Variants in GCSAML observed in about 807,000 individuals in gnomAD.
The protein encoded by GCSAML is germinal center-associated signaling and motility-like protein.
GCSAML carries 9 observed loss-of-function variants against 13.0 expected under a neutral mutation model. That is an observed-to-expected ratio of 0.69 (90% CI 0.42 to 1.21). GCSAML has a LOEUF of 1.21. Ranked by LOEUF, GCSAML falls within the 50% of genes most tolerant of loss-of-function variation. The probability of loss-of-function intolerance (pLI) is 0.00; values close to 1 mark genes in which losing one functional copy is unlikely to be tolerated. For synonymous variants in GCSAML, 37 were observed against 52.9 expected (o/e 0.70, Z 1.31); for missense variants, 143 against 153.4 (o/e 0.93, Z 0.36).
chr1:247,541,616 G>T (rs1340659478), intron 2 of GCSAML, among the ~76,000 whole-genome samples: 2 of 152,152 alleles, frequency 1.3e-5, no homozygotes, highest in East Asian at 3.8e-4. Context: ...TGAGATGTTG[G>T]CCTGAAACCC....
intron 1 of GCSAML, among the ~76,000 whole-genome samples, chr1:247,522,134 C>G (rs1331277468): frequency 6.6e-6 from 1 of 151,760 alleles, no homozygotes; most frequent in Non-Finnish European, 1.5e-5. Flanking sequence ...TGAGGAGCCC[C>G]TCCGCCTGGC....
At chr1:247,518,170 C>A (rs959304916) in intron 1 of GCSAML, among the ~76,000 whole-genome samples, 1 of 152,230 alleles carries the variant, frequency 6.6e-6, no homozygotes, top group Non-Finnish European at 1.5e-5. Context: ...GGCTCCTGGT[C>A]TGGCCTGGCC....
In GCSAML at chr1:247,576,453, T is replaced by A. The variant is rs1236589680; in HGVS notation, c.*2071T>A. 6.6e-6 allele frequency: 1 copy of A among 151,912 alleles called. No homozygotes were observed. The highest frequency in any genetic ancestry group is 1.5e-5 in the Non-Finnish European group (1 of 68,018). The allele number at this position is 151,912 out of a possible 1,614,324, so 9.4% of individuals were successfully genotyped here. ...CCAGGTACTCAGGAGGCTGAGGTAG[T>A]AGGATTGTTTGAGACTGGGAGGTTG... On this transcript the variant is annotated 3_prime_UTR_variant, in exon 5 of 5. Transcript: ENST00000366488.
chr1:247,574,457 C>A lies in GCSAML; in HGVS notation c.*75C>A. ...AGCAGACTCTGGCGAAGTTGTTCACCCTGAGCAGTGCATGAAACATTCCTT... is the reference window on the plus strand; with the variant it reads ...AGCAGACTCTGGCGAAGTTGTTCACACTGAGCAGTGCATGAAACATTCCTT... On this transcript the variant is annotated 3_prime_UTR_variant, in exon 5 of 5. Transcript: ENST00000366488. The A allele has an allele frequency of 6.6e-7, 1 of 1,506,360 alleles. No homozygotes were observed. 93.3% of individuals were successfully genotyped at this position (1,506,360 alleles called of 1,614,324 possible). A position where few individuals can be genotyped will look rare whatever the true frequency, so the allele number is the denominator to read the frequency against.
chr1:247,534,891 G>T (rs1388221191), intron 2 of GCSAML, among the ~76,000 whole-genome samples: 3 of 152,204 alleles, frequency 2.0e-5, no homozygotes, highest in Non-Finnish European at 1.5e-5. Flanking sequence ...ACACGTGGAA[G>T]CTGTCCCATT....
chr1:247,536,409 A>G (rs1667220600), intron 2 of GCSAML: 2 of 152,256 alleles, frequency 1.3e-5, no homozygotes, highest in Admixed American at 6.5e-5. Flanking sequence ...AAGTATTTAA[A>G]TCACAATGGG....
chr1:247,533,897 G>C (rs548566624), intron 2 of GCSAML: 5 of 152,282 alleles, frequency 3.3e-5, no homozygotes, highest in African/African-American at 1.2e-4. Context: ...GCAATCACAG[G>C]ATTACATTAA....
At chr1:247,563,006 A>ATTTT (rs35205676) in intron 2 of GCSAML, among the ~76,000 whole-genome samples, 2 of 134,648 alleles carry the variant, frequency 1.5e-5, no homozygotes, top group Non-Finnish European at 3.1e-5. Context: ...TACCCAGCTC[A>ATTTT]TTTTTTTTTT....
chr1:247,552,285 G>A (rs1283172459), intron 1 of GCSAML, among the ~76,000 whole-genome samples: 1 of 152,242 alleles, frequency 6.6e-6, no homozygotes, highest in Non-Finnish European at 1.5e-5. Context: ...GAAATTCAGT[G>A]AAAGTAAATG....
intron 4 of GCSAML, among the ~76,000 whole-genome samples, chr1:247,568,991 T>C (rs1668493433): frequency 9.9e-6 from 1 of 101,222 alleles, no homozygotes; most frequent in Non-Finnish European, 2.2e-5. Flanking sequence ...AGTCCACTCA[T>C]GATTTGGCTC....
At position 247,539,701 on chromosome 1, in the gene GCSAML, C is replaced by T. The variant is rs193093632; in HGVS notation, c.-147-9344C>T. 7.2e-5 allele frequency among the ~76,000 whole-genome samples: 11 copies of T among 152,170 alleles called. No individual in the cohort carries two copies. In the East Asian group the frequency reaches 1.9e-3, roughly 27 times the overall value. On this transcript the variant is annotated intron_variant, in intron 2 of 5. Coordinates refer to the GCSAML transcript ENST00000366489. ...CCTCTCATTTCCACGACCTCTGTTC[C>T]TCACATATAATCTGTCAGCAAATCC... is the stretch of plus-strand genomic sequence containing the variant.
At chr1:247,524,536 C>T (rs1666580823) in intron 1 of GCSAML, 1 of 152,230 alleles carries the variant, frequency 6.6e-6, no homozygotes, top group Admixed American at 6.5e-5. Context: ...TCTTCCCGAA[C>T]TTTTGCATCC....
upstream of GCSAML, among the ~76,000 whole-genome samples, chr1:247,546,279 C>A (rs938588526): frequency 6.6e-6 from 1 of 152,164 alleles, no homozygotes; most frequent in African/African-American, 2.4e-5. Context: ...CTCAAGCAAT[C>A]CTCCTGCTTC....
chr1:247,544,625 G>C (rs1667508138), upstream of GCSAML, among the ~76,000 whole-genome samples: 1 of 152,124 alleles, frequency 6.6e-6, no homozygotes, highest in Admixed American at 6.5e-5. Flanking sequence ...TTGAGCCCAG[G>C]AGTTCAAGAC....
At chr1:247,509,569 T>C (rs921495988) in intron 1 of GCSAML, among the ~76,000 whole-genome samples, 2 of 152,210 alleles carry the variant, frequency 1.3e-5, no homozygotes, top group African/African-American at 4.8e-5. Context: ...AGGGCATCCT[T>C]GTCTTGTGCT....
At chr1:247,573,054 A>G (rs1360806754) in intron 4 of GCSAML, among the ~76,000 whole-genome samples, 1 of 152,204 alleles carries the variant, frequency 6.6e-6, no homozygotes, top group Non-Finnish European at 1.5e-5. Context: ...TCGACTTCAG[A>G]CTGCTGTGCT....
chr1:247,553,496 A>G (rs897019638), intron 1 of GCSAML, among the ~76,000 whole-genome samples: 1 of 152,020 alleles, frequency 6.6e-6, no homozygotes, highest in Non-Finnish European at 1.5e-5. Flanking sequence ...TTTTTTCTAA[A>G]TTGTTTTCAT....
intron 2 of GCSAML, among the ~76,000 whole-genome samples, chr1:247,563,038 C>T (rs1002940179): frequency 5.5e-5 from 8 of 144,510 alleles, no homozygotes; most frequent in South Asian, 2.2e-4. Context: ...TTAGTAGAGA[C>T]GGGGTCTCAC....
chr1:247,548,485 TC>T (rs1179031565), upstream of GCSAML, among the ~76,000 whole-genome samples: 1 of 152,238 alleles, frequency 6.6e-6, no homozygotes, highest in Admixed American at 6.5e-5. The surrounding 1 kb of genome is among the most constrained non-coding windows in gnomAD (Gnocchi z 5.3). Flanking sequence ...CCTTCTATTC[TC>T]ATCCTTTTTT....
Sources: allele counts gnomAD v4.1 joint callset (sites outside exome capture counted in the v4.1 genomes callset), GRCh38; gene constraint gnomAD v4.1.1; non-coding constraint Gnocchi (gnomAD v3.1); transcripts MANE v1.5; gene names NCBI Gene and HGNC (gene_info 2026-07-23, HGNC 2026-07-21).